The following ARFIP1 variants were observed in gnomAD, a reference collection of about 807,000 sequenced individuals.
ARFIP1 encodes arfaptin-1.
ARFIP1 carries 24 observed loss-of-function variants against 42.5 expected under a neutral mutation model. That is an observed-to-expected ratio of 0.57 (90% CI 0.41 to 0.80). The LOEUF is 0.80. Ranked by LOEUF, ARFIP1 falls within the 30% of genes least tolerant of loss-of-function variation. ARFIP1 has a pLI of 0.00. For missense variants in ARFIP1, 354 were observed against 434.0 expected (o/e 0.82, Z 1.64); for synonymous variants, 141 against 153.7 (o/e 0.92, Z 0.61).
chr4:152,863,511 T>C (rs1460612627), intron 2 of ARFIP1, 95 bp from the exon 3 acceptor site: 2 of 695,750 alleles, frequency 2.9e-6, no homozygotes, highest in Middle Eastern at 2.6e-4. Context: ...AGAAAAATAA[T>C]CTAAGATTTG....
chr4:152,815,894 G>C (rs375864935), intron 1 of ARFIP1, among the ~76,000 whole-genome samples: 184 of 151,728 alleles, frequency 1.2e-3, no homozygotes, highest in African/African-American at 4.2e-3. Context: ...ACAGGCGCCC[G>C]CCACTACGCC....
intron 2 of ARFIP1, among the ~76,000 whole-genome samples, chr4:152,834,113 A>G (rs769652079): frequency 1.2e-4 from 19 of 152,162 alleles, no homozygotes; most frequent in Non-Finnish European, 2.1e-4. Context: ...TTAAACAACC[A>G]GATCTTGTGT....
chr4:152,805,145 C>G (rs1728900962), intron 1 of ARFIP1, among the ~76,000 whole-genome samples: 1 of 152,184 alleles, frequency 6.6e-6, no homozygotes, highest in Non-Finnish European at 1.5e-5. Context: ...ATTCTAAAAA[C>G]TTGCTAGACC....
intron 8 of ARFIP1, among the ~76,000 whole-genome samples, chr4:152,889,797 C>CTATA (rs754706965): frequency 2.0e-4 from 4 of 20,494 alleles, no homozygotes; most frequent in Admixed American, 7.4e-4. Context: ...ATATTATATA[C>CTATA]TATACTATAT....
chr4:152,822,381 A>C (rs2149840283), intron 1 of ARFIP1, among the ~76,000 whole-genome samples: 1 of 152,090 alleles, frequency 6.6e-6, no homozygotes, highest in African/African-American at 2.4e-5. Context: ...CTAAGCATAT[A>C]TGCACCTAAC....
intron 2 of ARFIP1, among the ~76,000 whole-genome samples, chr4:152,857,368 A>T (rs1578946002): frequency 2.6e-5 from 4 of 152,336 alleles, no homozygotes; most frequent in Admixed American, 2.6e-4. Context: ...AATAAATTCT[A>T]AGTCTCCAAT....
intron 2 of ARFIP1, among the ~76,000 whole-genome samples, chr4:152,832,154 G>A (rs923395463): frequency 1.3e-5 from 2 of 152,122 alleles, no homozygotes; most frequent in African/African-American, 4.8e-5. Context: ...GAAATTGCCA[G>A]GTCACGAGTA....
intron 1 of ARFIP1, among the ~76,000 whole-genome samples, chr4:152,815,062 T>C (rs996190534): frequency 3.3e-5 from 5 of 152,340 alleles, no homozygotes; most frequent in East Asian, 1.9e-4. Flanking sequence ...CCCCCTGTTA[T>C]GTTTCTCCTT....
At chr4:152,902,015 A>G (rs1017027913) in intron 8 of ARFIP1, among the ~76,000 whole-genome samples, 1 of 152,172 alleles carries the variant, frequency 6.6e-6, no homozygotes, top group African/African-American at 2.4e-5. Context: ...TTTTGTTTCA[A>G]AGGTTTCTAA....
At chr4:152,823,471 A>G (rs763623872) in intron 1 of ARFIP1, among the ~76,000 whole-genome samples, 1 of 152,214 alleles carries the variant, frequency 6.6e-6, no homozygotes, top group Non-Finnish European at 1.5e-5. Flanking sequence ...GAATTCTACC[A>G]GATATTCAAA....
intron 1 of ARFIP1, among the ~76,000 whole-genome samples, chr4:152,803,330 T>A (rs931489933): frequency 6.6e-6 from 1 of 152,178 alleles, no homozygotes; most frequent in Non-Finnish European, 1.5e-5. Flanking sequence ...GGCCTGCCAA[T>A]CTAAGAGGCA....
intron 8 of ARFIP1, among the ~76,000 whole-genome samples, chr4:152,908,966 C>A (rs1738616287): frequency 7.0e-6 from 1 of 142,440 alleles, no homozygotes; most frequent in African/African-American, 2.6e-5. Context: ...AATTTTCTAT[C>A]CTGTTTTTTC....
intron 1 of ARFIP1, among the ~76,000 whole-genome samples, chr4:152,789,820 T>C (rs557266677): frequency 1.4e-4 from 22 of 152,338 alleles, no homozygotes; most frequent in African/African-American, 4.8e-4. Context: ...TGTGAGACTT[T>C]TGTTCTTGTT....
intron 2 of ARFIP1, among the ~76,000 whole-genome samples, chr4:152,856,571 T>C (rs1229322162): frequency 6.6e-6 from 1 of 152,188 alleles, no homozygotes; most frequent in Admixed American, 6.5e-5. Flanking sequence ...GTATAGAGTA[T>C]AGGCAAATAT....
At chr4:152,849,335 G>A (rs1164547841) in intron 2 of ARFIP1, among the ~76,000 whole-genome samples, 2 of 151,998 alleles carry the variant, frequency 1.3e-5, no homozygotes, top group African/African-American at 4.8e-5. Context: ...AAGGTTGAAG[G>A]CTTATCTGTC....
chr4:152,805,486 A>C (rs540333163), intron 1 of ARFIP1, among the ~76,000 whole-genome samples: 1 of 152,322 alleles, frequency 6.6e-6, no homozygotes, highest in East Asian at 1.9e-4. Flanking sequence ...AGCTCTGGTG[A>C]CTGGATGCTG....
chr4:152,801,950 C>G (rs1728451855), intron 1 of ARFIP1, among the ~76,000 whole-genome samples: 1 of 152,082 alleles, frequency 6.6e-6, no homozygotes, highest in African/African-American at 2.4e-5. Flanking sequence ...CAGAGCTGGA[C>G]CTTAAGTCCA....
chr4:152,842,760 G>A (rs1478596094), intron 2 of ARFIP1, among the ~76,000 whole-genome samples: 1 of 151,956 alleles, frequency 6.6e-6, no homozygotes, highest in Non-Finnish European at 1.5e-5. Flanking sequence ...AAAGTTTCCT[G>A]AATTTTTTAT....
At chr4:152,836,024 C>T (rs1731620434) in intron 2 of ARFIP1, among the ~76,000 whole-genome samples, 1 of 152,122 alleles carries the variant, frequency 6.6e-6, no homozygotes, top group African/African-American at 2.4e-5. Flanking sequence ...GAGGGATCTG[C>T]CCTCATGATC....
Sources: allele counts gnomAD v4.1 joint callset (sites outside exome capture counted in the v4.1 genomes callset), GRCh38; gene constraint gnomAD v4.1.1; transcripts MANE v1.5; gene names NCBI Gene and HGNC (gene_info 2026-07-23, HGNC 2026-07-21).